Variants in BATF observed in about 807,000 individuals in gnomAD.
BATF encodes the protein basic leucine zipper transcriptional factor ATF-like.
A neutral mutation model predicts 13.7 loss-of-function variants in BATF; 5 were observed. The observed-to-expected ratio is 0.36, with a 90% CI of 0.19 to 0.77. The LOEUF (loss-of-function observed/expected upper bound fraction) is 0.77. Among genes scored for constraint, BATF ranks in the 30% least tolerant of loss-of-function variants. BATF has a pLI of 0.51. For missense variants in BATF, 124 were observed against 163.0 expected (o/e 0.76, Z 1.30); for synonymous variants, 72 against 67.5 (o/e 1.07, Z -0.33).
chr14:75,522,906 G>A (rs1887594371), intron 1 of BATF, among the ~76,000 whole-genome samples, 161 bp downstream of exon 1: 1 of 152,170 alleles, frequency 6.6e-6, no homozygotes, highest in Non-Finnish European at 1.5e-5. Flanking sequence ...ACTAAGCTGT[G>A]CATATTGGCA....
chr14:75,525,619 A>T (rs1233571060), intron 2 of BATF, among the ~76,000 whole-genome samples: 2 of 148,368 alleles, frequency 1.3e-5, no homozygotes, highest in African/African-American at 5.0e-5. Context: ...AGATCGCGCC[A>T]TTGCATTCAA....
chr14:75,533,111 GC>G (rs1399684093), intron 2 of BATF, among the ~76,000 whole-genome samples: 1 of 152,114 alleles, frequency 6.6e-6, no homozygotes, highest in Non-Finnish European at 1.5e-5. Flanking sequence ...GGTCGGCATG[GC>G]TAAGTTTGGG....
chr14:75,539,424 A>ATTTTTTTTTTTTT lies in BATF; in HGVS notation c.169-7023_169-7011dup, dbSNP rs1162218076. ...TAGCTACAAGGTAAGGTAAGCTGGA[A>ATTTTTTTTTTTTT]TTTTTTTTTTTTTTTTTTTTTTTTT... On this transcript the variant is annotated intron_variant, in intron 2 of 2. Coordinates refer to ENST00000286639, the MANE Select transcript of BATF (RefSeq NM_006399.5). Among the ~76,000 whole-genome samples the ATTTTTTTTTTTTT allele has an allele frequency of 6.4e-3, 376 of 58,542 alleles. 66 individuals carry two copies. The highest frequency in any genetic ancestry group is 0.025 in the African/African-American group (351 of 14,080). 38.4% of individuals were successfully genotyped at this position (58,542 alleles called of 152,430 possible). A position where few individuals can be genotyped will look rare whatever the true frequency, so the allele number is the denominator to read the frequency against.
intron 2 of BATF, among the ~76,000 whole-genome samples, chr14:75,544,558 G>A (rs1367989137): frequency 1.0e-4 from 6 of 57,858 alleles, no homozygotes; most frequent in African/African-American, 3.0e-4. Flanking sequence ...GAGTGAGACT[G>A]TCTCAAAAAA....
chr14:75,531,849 C>G (rs1217221628), intron 2 of BATF, among the ~76,000 whole-genome samples: 3 of 152,164 alleles, frequency 2.0e-5, no homozygotes, highest in African/African-American at 7.2e-5. Flanking sequence ...TTCTTTTGCT[C>G]TCTCTGGGAG....
rs143903039 is a variant in BATF at position 75,537,926 on chromosome 14, C to T, written c.169-8536C>T. Among the ~76,000 whole-genome samples the T allele has an allele frequency of 5.0e-3, 756 of 152,206 alleles. 3 individuals carry two copies. The highest frequency in any genetic ancestry group is 0.015 in the African/African-American group (622 of 41,534). On this transcript the variant is annotated intron_variant, in intron 2 of 2. Coordinates refer to ENST00000286639, the MANE Select transcript of BATF (RefSeq NM_006399.5). ...CAAATTTAATTTGTTTGTTAACAAACAAATTTAATAAAATCAAACACTATA... is the reference window on the plus strand; with the variant it reads ...CAAATTTAATTTGTTTGTTAACAAATAAATTTAATAAAATCAAACACTATA...
rs547203268 is a variant in BATF at position 75,545,240 on chromosome 14, G to A, written c.169-1222G>A. Reference sequence around the variant, plus strand: ...CATTTTTATTTTTATTTTTATTTTTGAGATGGAGTCTTGCTTTGTCACCCA... The same window carrying A: ...CATTTTTATTTTTATTTTTATTTTTAAGATGGAGTCTTGCTTTGTCACCCA... On this transcript the variant is annotated intron_variant, in intron 2 of 2. Transcript: ENST00000286639. Among the ~76,000 whole-genome samples the A allele has an allele frequency of 8.6e-5, 13 of 151,960 alleles. No homozygotes were observed. In the East Asian group the frequency reaches 2.3e-3, roughly 27 times the overall value.
chr14:75,541,750 G>A (rs1242281856), intron 2 of BATF, among the ~76,000 whole-genome samples: 1 of 152,158 alleles, frequency 6.6e-6, no homozygotes, highest in South Asian at 2.1e-4. Context: ...TGCAACTTCT[G>A]CCTCCCAGGT....
chr14:75,546,583 C>A lies in BATF; in HGVS notation c.290C>A (p.Ala97Asp). Reference sequence around the variant, plus strand: ...CACGAGCCCCTGTGCTCGGTGCTGGCCGCCAGCACGCCCTCGCCCCCCGAG... The same window carrying A: ...CACGAGCCCCTGTGCTCGGTGCTGGACGCCAGCACGCCCTCGCCCCCCGAG... Reference protein sequence around the residue: ...NSHEPLCSVLAASTPSPPEVV... With the variant: ...NSHEPLCSVLDASTPSPPEVV... Residue 97 changes from alanine (A) to aspartate (D), a missense_variant, in exon 3 of 3, where the codon GCC becomes GAC. This residue lies in a region of BATF where 59 missense variants were observed against 49.7 expected (regional missense o/e 1.19). Coordinates refer to ENST00000286639, the MANE Select transcript of BATF (RefSeq NM_006399.5). The A allele has an allele frequency of 6.2e-7, 1 of 1,614,096 alleles. No individual in the cohort carries two copies. The highest frequency in any genetic ancestry group is 8.5e-7 in the Non-Finnish European group (1 of 1,179,988).
At chr14:75,545,959 A>G (rs933754483) in intron 2 of BATF, among the ~76,000 whole-genome samples, 1 of 152,078 alleles carries the variant, frequency 6.6e-6, no homozygotes, top group Non-Finnish European at 1.5e-5. Flanking sequence ...CCCTGGTTCA[A>G]GTAATGCTTC....
At chr14:75,525,389 G>A (rs569063705) in intron 2 of BATF, among the ~76,000 whole-genome samples, 9 of 151,996 alleles carry the variant, frequency 5.9e-5, no homozygotes, top group Non-Finnish European at 4.4e-5. Context: ...TAGTCCGGGC[G>A]TGGTGGCTCA....
chr14:75,522,585 G>A lies in BATF; in HGVS notation c.-98G>A, dbSNP rs1439606236. 5.0e-6 allele frequency: 7 copies of A among 1,405,292 alleles called. No individual in the cohort carries two copies. The Admixed American group carries it at 1.0e-4, about 21-fold the overall frequency. 87.1% of individuals were successfully genotyped at this position (1,405,292 alleles called of 1,614,324 possible). On this transcript the variant is annotated 5_prime_UTR_variant, in exon 1 of 3. Transcript: ENST00000286639. ...AGGAGGCACCTGTAGGGGGTGGTGG[G>A]CTGGTGGCCCAGGAGAAGTCAGGAA...
At chr14:75,546,138 A>C (rs1333351417) in intron 2 of BATF, among the ~76,000 whole-genome samples, 1 of 152,172 alleles carries the variant, frequency 6.6e-6, no homozygotes, top group African/African-American at 2.4e-5. Flanking sequence ...CTAGGATTAC[A>C]GGGGTAAGCC....
At chr14:75,533,760 A>T (rs72723622) in intron 2 of BATF, among the ~76,000 whole-genome samples, 13,430 of 152,220 alleles carry the variant, frequency 0.088, 721 homozygotes, top group Non-Finnish European at 0.13. Context: ...AGGGAATAAC[A>T]ATCATAATAG....
At chr14:75,540,247 G>A (rs771817226) in intron 2 of BATF, among the ~76,000 whole-genome samples, 5 of 152,082 alleles carry the variant, frequency 3.3e-5, no homozygotes, top group Non-Finnish European at 5.9e-5. Context: ...AATGGCTCCC[G>A]GCGGGTGAGG....
chr14:75,540,289 G>A (rs1024852789), intron 2 of BATF, among the ~76,000 whole-genome samples: 5 of 152,072 alleles, frequency 3.3e-5, no homozygotes, highest in Non-Finnish European at 5.9e-5. Flanking sequence ...TCGTTGAAGC[G>A]CTCTGTGAGT....
rs139258957 is a variant in BATF, at chr14:75,527,740, C to A, written c.168+2552C>A. 2.0e-3 allele frequency among the ~76,000 whole-genome samples: 300 copies of A among 152,288 alleles called. 3 individuals carry two copies. Among genetic ancestry groups the A allele is most frequent in the Admixed American group, 4.4e-3 (68 of 15,302 alleles). On this transcript the variant is annotated intron_variant, in intron 2 of 2. Coordinates refer to ENST00000286639, the MANE Select transcript of BATF (RefSeq NM_006399.5). ...AGTCATATAGTCAACATATCCATAGCCACACCCCAGCCTCAGTTTCTAGAA... is the reference window on the plus strand; with the variant it reads ...AGTCATATAGTCAACATATCCATAGACACACCCCAGCCTCAGTTTCTAGAA...
chr14:75,535,953 T>C (rs533903182), intron 2 of BATF, among the ~76,000 whole-genome samples: 1 of 152,176 alleles, frequency 6.6e-6, no homozygotes, highest in Non-Finnish European at 1.5e-5. Flanking sequence ...CAGAAAATTA[T>C]AAAGCAAAGG....
At chr14:75,528,683 T>C (rs1887687550) in intron 2 of BATF, among the ~76,000 whole-genome samples, 1 of 152,224 alleles carries the variant, frequency 6.6e-6, no homozygotes, top group Non-Finnish European at 1.5e-5. Flanking sequence ...AGTACAGATG[T>C]TGATTAAAAA....
Sources: gnomAD v4.1 joint callset for allele counts (sites outside exome capture counted in the v4.1 genomes callset) on GRCh38, gnomAD v4.1.1 for gene constraint, gnomAD v4.1.1 regional missense constraint, MANE v1.5 for transcripts, NCBI Gene and HGNC (gene_info 2026-07-23, HGNC 2026-07-21) for gene names.